CYP4V2: variants seen among roughly 807,000 people sequenced by gnomAD.
CYP4V2 encodes cytochrome P450 4V2.
In CYP4V2, 55 loss-of-function variants were observed where a neutral mutation model predicts 60.8. The ratio of observed to expected loss-of-function variants is 0.90; its 90% CI spans 0.73 to 1.13. The LOEUF (loss-of-function observed/expected upper bound fraction) is 1.13. CYP4V2 is among the 50% of genes most tolerant of loss of function. The probability of loss-of-function intolerance (pLI) is 0.00; values close to 1 mark genes in which losing one functional copy is unlikely to be tolerated. For missense variants in CYP4V2, 675 were observed against 662.9 expected, an observed-to-expected ratio of 1.02 and a Z score of -0.20; for synonymous variants, 239 against 236.8, an observed-to-expected ratio of 1.01 and a Z score of -0.08.
chr4:186,209,343 T>C, intron 10 of CYP4V2, 71 bp downstream of exon 10: 2 of 1,589,120 alleles, frequency 1.3e-6, no homozygotes, highest in Non-Finnish European at 1.7e-6. Context: ...GTGATTTCTT[T>C]GAGATGTGAT....
In CYP4V2 at chr4:186,197,143, G is replaced by A. The variant is rs749271531; in HGVS notation, c.604+13G>A. 3 of 1,613,106 alleles carry A rather than the reference G, an allele frequency of 1.9e-6. No homozygotes were observed. The highest frequency in any genetic ancestry group is 1.1e-5 in the South Asian group (1 of 91,008). ...GATATCATCTGTGGTGAGTCTCATC[G>A]ATCTGTTTCTAAATTTATGGCATAA... On this transcript the variant is annotated intron_variant, in intron 4 of 10. Coordinates refer to ENST00000378802, the MANE Select transcript of CYP4V2 (RefSeq NM_207352.4).
rs1736638829 is a variant in CYP4V2 at position 186,209,407 on chromosome 4, T to C, written c.1405+135T>C. The C allele has an allele frequency of 1.8e-5, 20 of 1,103,158 alleles. No homozygotes were observed. In the South Asian group the frequency reaches 2.7e-4, roughly 15 times the overall value. The allele number at this position is 1,103,158 out of a possible 1,614,324, so 68.3% of individuals were successfully genotyped here. A position where few individuals can be genotyped will look rare whatever the true frequency, so the allele number is the denominator to read the frequency against. ...AAAAAAAAATAGGTGGTTTCTTTTT[T>C]CCCTCACTGTGCTTTGTAGTTTTAA... On this transcript the variant is annotated intron_variant, in intron 10 of 10. Transcript: ENST00000378802.
chr4:186,199,589 A>C (rs1185103931), intron 6 of CYP4V2, among the ~76,000 whole-genome samples: 1 of 152,190 alleles, frequency 6.6e-6, no homozygotes, highest in Non-Finnish European at 1.5e-5. Context: ...GAATAAAGGA[A>C]CAAAGATCTA....
intron 10 of CYP4V2, among the ~76,000 whole-genome samples, 176 bp downstream of exon 10, chr4:186,209,448 A>G (rs1314480761): frequency 2.0e-5 from 3 of 152,204 alleles, no homozygotes; most frequent in Admixed American, 6.5e-5. Flanking sequence ...TACGGTCAAA[A>G]GGTATATTAG....
In CYP4V2 at chr4:186,207,496, TTAA is replaced by T. The variant is rs1222259766; in HGVS notation, c.1091-1364_1091-1362del. Among the ~76,000 whole-genome samples, 10 of 147,198 alleles carry T rather than the reference TTAA, an allele frequency of 6.8e-5. No homozygotes were observed. The East Asian group carries it at 7.8e-4, about 11-fold the overall frequency. ...GTGAGTTATTACTTTGCATTATTAA[TTAA>T]TAATTAATTATTAAATTATATTTAT... On this transcript the variant is annotated intron_variant, in intron 8 of 10. Coordinates refer to ENST00000378802, the MANE Select transcript of CYP4V2 (RefSeq NM_207352.4).
At chr4:186,210,404 C>A in intron 10 of CYP4V2, 65 bp from the exon 11 acceptor site, 1 of 1,606,188 alleles carries the variant, frequency 6.2e-7, no homozygotes, top group Non-Finnish European at 8.5e-7. Flanking sequence ...TATGACAGGA[C>A]CTCTTGTTTC....
chr4:186,210,839 A>ATTT lies in CYP4V2; in HGVS notation c.*208_*210dup. The stretch of plus-strand genomic sequence containing the variant: ...GTATTTTCTTTTTTCTTTTTTCTTT[A>ATTT]TTTTTTTTTTTTGAAACCGTGTCTC... On this transcript the variant is annotated 3_prime_UTR_variant, in exon 11 of 11. Transcript: ENST00000378802. 6 of 530,344 alleles carry ATTT rather than the reference A, an allele frequency of 1.1e-5. No homozygotes were observed. Among genetic ancestry groups the ATTT allele is most frequent in the African/African-American group, 2.0e-5 (1 of 49,992 alleles). The allele number at this position is 530,344 out of a possible 1,614,324, so 32.9% of individuals were successfully genotyped here.
Position 186,208,838 on chromosome 4 carries a change from G to A in CYP4V2, c.1091-27G>A, listed in dbSNP as rs761463976. On this transcript the variant is annotated intron_variant, in intron 8 of 10. Transcript: ENST00000378802. ...CCCCCAGCCCCCACTGCTCTTTCAGGTCATCTTATCTACTTGCTTTCATCA... is the reference window on the plus strand; with the variant it reads ...CCCCCAGCCCCCACTGCTCTTTCAGATCATCTTATCTACTTGCTTTCATCA... 1.4e-5 allele frequency: 22 copies of A among 1,614,020 alleles called. No individual in the cohort carries two copies. In the East Asian group the frequency reaches 2.2e-4, roughly 16 times the overall value.
chr4:186,205,153 T>C, intron 7 of CYP4V2, 47 bp from the exon 8 acceptor site: 1 of 1,573,558 alleles, frequency 6.4e-7, no homozygotes, highest in Non-Finnish European at 8.7e-7. Flanking sequence ...CTCCTAATCA[T>C]CGCAGCATAA....
chr4:186,209,917 A>G (rs1175816963), intron 10 of CYP4V2, among the ~76,000 whole-genome samples: 2 of 152,204 alleles, frequency 1.3e-5, no homozygotes, highest in African/African-American at 4.8e-5. Flanking sequence ...TTTATTAATG[A>G]TTACTTATGG....
At chr4:186,197,995 G>A (rs1335810650) in intron 5 of CYP4V2, among the ~76,000 whole-genome samples, 1 of 152,162 alleles carries the variant, frequency 6.6e-6, no homozygotes, top group African/African-American at 2.4e-5. Context: ...TCGTGTATGT[G>A]TTTCTCATTC....
In CYP4V2 at chr4:186,201,167, A is replaced by C; in HGVS notation, c.812A>C (p.Glu271Ala). The stretch of plus-strand genomic sequence containing the variant: ...ATTCAAATCATACAGGTCATCGCTG[A>C]ACGGGCCAATGAAATGAACGCCAAT... ...LHTFTNSVIA[E>A]RANEMNANED... Residue 271 changes from glutamate to alanine, a missense_variant, in exon 7 of 11, where the codon GAA becomes GCA. Transcript: ENST00000378802. The C allele has an allele frequency of 6.2e-7, 1 of 1,614,200 alleles. No homozygotes were observed. The highest frequency in any genetic ancestry group is 8.5e-7 in the Non-Finnish European group (1 of 1,180,036).
In CYP4V2 at chr4:186,205,239, T is replaced by C. The variant is rs1203973154; in HGVS notation, c.1027T>C (p.Tyr343His). The change falls in exon 8 of 11, where the codon TAC becomes CAC. Residue 343 changes from tyrosine to histidine, a missense_variant. Tyr to His is a moderately conservative substitution (Grantham distance 83). Transcript: ENST00000378802. ...TGCAGCTGCAATAAACTGGTCCTTA[T>C]ACCTGTTGGGTTCTAACCCAGAAGT... ...TTAAAINWSL[Y>H]LLGSNPEVQK... 2 of 1,614,152 alleles carry C rather than the reference T, an allele frequency of 1.2e-6. No individual in the cohort carries two copies. The highest frequency in any genetic ancestry group is 2.7e-5 in the African/African-American group (2 of 74,952).
intron 8 of CYP4V2, among the ~76,000 whole-genome samples, chr4:186,208,402 G>A (rs1016756481): frequency 3.9e-4 from 56 of 144,266 alleles, no homozygotes; most frequent in African/African-American, 1.2e-3. Flanking sequence ...CTTGATCCAA[G>A]TGTTCTTCTT....
At chr4:186,207,511 TAAATTATATTTATATTAA>T (rs1736556596) in intron 8 of CYP4V2, among the ~76,000 whole-genome samples, 1 of 147,842 alleles carries the variant, frequency 6.8e-6, no homozygotes, top group Non-Finnish European at 1.5e-5. Flanking sequence ...AATTAATTAT[TAAATTATATTTATATTAA>T]AAATTATATA....
intron 4 of CYP4V2, 116 bp from the exon 5 acceptor site, chr4:186,197,417 C>T (rs2126585538): frequency 9.2e-7 from 1 of 1,090,600 alleles, no homozygotes; most frequent in East Asian, 2.4e-5. Flanking sequence ...AAGAAGAATT[C>T]TGAAATATAC....
chr4:186,209,172 C>A lies in CYP4V2; in HGVS notation c.1305C>A (p.Asn435Lys). The change falls in exon 10 of 11, where the codon AAC becomes AAA. Residue 435 changes from asparagine to lysine, a missense_variant. Transcript: ENST00000378802. ...ALHRDPRYFP[N>K]PEEFQPERFF... Reference sequence around the variant, plus strand: ...ACAGAGATCCGAGATACTTCCCCAACCCCGAGGAGTTCCAGCCTGAGCGGT... The same window carrying A: ...ACAGAGATCCGAGATACTTCCCCAAACCCGAGGAGTTCCAGCCTGAGCGGT... The A allele has an allele frequency of 6.2e-7, 1 of 1,614,154 alleles. No individual in the cohort carries two copies. The highest frequency in any genetic ancestry group is 8.5e-7 in the Non-Finnish European group (1 of 1,180,016).
chr4:186,206,398 T>G (rs895153317), intron 8 of CYP4V2, among the ~76,000 whole-genome samples: 3 of 152,214 alleles, frequency 2.0e-5, no homozygotes, highest in Non-Finnish European at 4.4e-5. Flanking sequence ...GATTAAGACC[T>G]GATATTTTGG....
In CYP4V2 at chr4:186,196,951, A is replaced by T. The variant is rs753990809; in HGVS notation, c.425A>T (p.Lys142Ile). ...TATTTTATTTCTAGTACTGGAAACA[A>T]ATGGCGCTCCAGGAGAAAGATGTTA... The part of the protein sequence containing the change: ...GLGLLTSTGN[K>I]WRSRRKMLTP... The change falls in exon 4 of 11, where the codon AAA (lysine) becomes ATA (isoleucine). Residue 142 changes from lysine (K) to isoleucine (I), a missense_variant. Transcript: ENST00000378802. 1 of 1,613,118 alleles carries T rather than the reference A, an allele frequency of 6.2e-7. No homozygotes were observed. Among genetic ancestry groups the T allele is most frequent in the Non-Finnish European group, 8.5e-7 (1 of 1,180,004 alleles).
Sources: gnomAD v4.1 joint callset for allele counts (sites outside exome capture counted in the v4.1 genomes callset) on GRCh38, gnomAD v4.1.1 for gene constraint, MANE v1.5 for transcripts, NCBI Gene and HGNC (gene_info 2026-07-23, HGNC 2026-07-21) for gene names.